Variants in PTK2 observed in about 807,000 individuals in gnomAD.
PTK2 encodes focal adhesion kinase 1.
Under a neutral mutation model 150.1 loss-of-function variants are expected in PTK2, and 45 were observed. The observed-to-expected ratio is 0.30, with a 90% CI of 0.24 to 0.38. PTK2 has a LOEUF of 0.38. Ranked by LOEUF, PTK2 falls within the 10% of genes least tolerant of loss-of-function variation. The probability of loss-of-function intolerance (pLI) is 1.00; values close to 1 mark genes in which losing one functional copy is unlikely to be tolerated. For missense variants in PTK2, 919 were observed against 1,307.3 expected, an observed-to-expected ratio of 0.70 and a Z score of 4.58; for synonymous variants, 432 against 449.2, an observed-to-expected ratio of 0.96 and a Z score of 0.48.
intron 1 of PTK2, among the ~76,000 whole-genome samples, chr8:140,988,044 CAAAA>C (rs71310813): frequency 7.9e-5 from 8 of 101,442 alleles, no homozygotes; most frequent in Admixed American, 2.1e-4. Flanking sequence ...GACCCTGTCT[CAAAA>C]AAAAAAAAAA....
intron 1 of PTK2, chr8:140,948,534 A>G (rs2100178453): frequency 6.6e-6 from 1 of 152,232 alleles, no homozygotes; most frequent in African/African-American, 2.4e-5. Flanking sequence ...ACACATATCA[A>G]CTATTTAACA....
intron 5 of PTK2, among the ~76,000 whole-genome samples, chr8:140,859,347 A>T (rs950679944): frequency 1.3e-5 from 2 of 152,192 alleles, no homozygotes; most frequent in Non-Finnish European, 2.9e-5. Context: ...TGTTCTTTTC[A>T]TCTGAGCAGT....
intron 29 of PTK2, 70 bp from the exon 34 acceptor site, chr8:140,668,494 G>C (rs2093712963): frequency 6.6e-7 from 1 of 1,506,052 alleles, no homozygotes; most frequent in Non-Finnish European, 9.0e-7. Flanking sequence ...AATCAAGCTA[G>C]AGAGGGTCTT....
At chr8:140,689,333 A>G (rs1227225049) in intron 26 of PTK2, among the ~76,000 whole-genome samples, 3 of 152,242 alleles carry the variant, frequency 2.0e-5, no homozygotes, top group Non-Finnish European at 2.9e-5. Flanking sequence ...TGAGAAGACG[A>G]GACTCCAGGT....
chr8:140,804,106 G>A (rs2100096873), intron 10 of PTK2, among the ~76,000 whole-genome samples: 2 of 152,142 alleles, frequency 1.3e-5, no homozygotes, highest in South Asian at 4.1e-4. Context: ...AAACTAACTG[G>A]AGATCTGTAG....
At chr8:140,704,349 T>C (rs1297717866) in intron 24 of PTK2, among the ~76,000 whole-genome samples, 1 of 152,186 alleles carries the variant, frequency 6.6e-6, no homozygotes, top group Non-Finnish European at 1.5e-5. Context: ...AAAATCAATG[T>C]TTTACTTAAT....
chr8:140,746,892 C>CTTTT (rs369382658), intron 17 of PTK2, 32 bp from the exon 21 acceptor site: 68 of 989,568 alleles, frequency 6.9e-5, no homozygotes, highest in South Asian at 1.7e-4. Context: ...GTTATTCTTT[C>CTTTT]TTTTTTTTTT....
chr8:140,830,498 GA>G lies in PTK2; in HGVS notation c.621del (p.Pro208LeufsTer13). ...TTGACAGAATCCAGTAAACTCTTAG[GA>G]AAAAATCGCTTTAAACCAACATCTT... On this transcript the variant is annotated frameshift_variant, in exon 8 of 32. Coordinates refer to ENST00000522684, the Ensembl canonical transcript of PTK2. LOFTEE classifies it high-confidence loss of function. 3 of 1,540,928 alleles carry G rather than the reference GA, an allele frequency of 1.9e-6. No homozygotes were observed. Among genetic ancestry groups the G allele is most frequent in the South Asian group, 2.5e-5 (2 of 81,230 alleles).
chr8:140,800,485 T>C (rs1343946771), exon 12 of PTK2: 4 of 1,613,454 alleles, frequency 2.5e-6, no homozygotes, highest in Admixed American at 1.7e-5. Flanking sequence ...GATAAATGAC[T>C]GCGAGGTTCC....
intron 1 of PTK2, among the ~76,000 whole-genome samples, chr8:140,979,297 A>G (rs764935942): frequency 5.3e-5 from 8 of 151,724 alleles, no homozygotes; most frequent in Non-Finnish European, 1.0e-4. Flanking sequence ...GCTCCAAGAC[A>G]CCTCACAGGT....
rs768419969 is a variant in PTK2 at position 140,751,862 on chromosome 8, A to G, written c.1417+370T>C. On this transcript the variant is annotated intron_variant, in intron 17 of 31. Transcript: ENST00000522684. The stretch of plus-strand genomic sequence containing the variant: ...TAGAGCCCTATTCCTTCACTAGTCT[A>G]TGAGCTCCATCAGGGCAGGGACTGT... The G allele has an allele frequency of 5.8e-6, 3 of 516,944 alleles. No homozygotes were observed. In the Admixed American group the frequency reaches 6.0e-5, roughly 10 times the overall value. The allele number at this position is 516,944 out of a possible 1,614,324, so 32.0% of individuals were successfully genotyped here. A position where few individuals can be genotyped will look rare whatever the true frequency, so the allele number is the denominator to read the frequency against.
At chr8:140,943,781 G>A (rs912775291) in intron 1 of PTK2, among the ~76,000 whole-genome samples, 2 of 152,036 alleles carry the variant, frequency 1.3e-5, no homozygotes, top group African/African-American at 4.8e-5. Flanking sequence ...TTCTAATAGG[G>A]TTGCAATGAT....
intron 2 of PTK2, among the ~76,000 whole-genome samples, chr8:140,913,504 C>T (rs1307304946): frequency 6.6e-6 from 1 of 152,094 alleles, no homozygotes; most frequent in Admixed American, 6.5e-5. Context: ...CCATGTTGGC[C>T]AGGCTGGTCT....
At chr8:140,858,970 T>C (rs544474714) in intron 5 of PTK2, among the ~76,000 whole-genome samples, 11 of 152,352 alleles carry the variant, frequency 7.2e-5, no homozygotes, top group Non-Finnish European at 2.9e-5. Context: ...CACTTTTCCA[T>C]TTATACCAAC....
At chr8:140,793,411 T>C in intron 12 of PTK2, 27 bp from the exon 13 acceptor site, 1 of 1,606,906 alleles carries the variant, frequency 6.2e-7, no homozygotes, top group Non-Finnish European at 8.5e-7. Context: ...AAGAGATGCA[T>C]AAGGCTCTTT....
At chr8:140,815,729 ATAT>A (rs1419281896) in intron 10 of PTK2, among the ~76,000 whole-genome samples, 1 of 152,158 alleles carries the variant, frequency 6.6e-6, no homozygotes, top group Non-Finnish European at 1.5e-5. Context: ...AGAATATTGT[ATAT>A]TATTAATTGG....
chr8:140,709,616 G>A (rs1017142570), intron 23 of PTK2, among the ~76,000 whole-genome samples: 4 of 152,294 alleles, frequency 2.6e-5, no homozygotes, highest in South Asian at 2.1e-4. Flanking sequence ...GCTACCTCCT[G>A]GAGCTGCCGT....
intron 1 of PTK2, among the ~76,000 whole-genome samples, chr8:140,994,020 G>A (rs748625934): frequency 9.9e-5 from 15 of 152,042 alleles, no homozygotes; most frequent in Non-Finnish European, 1.9e-4. Context: ...GTGAGTTACC[G>A]CACCCCACCC....
chr8:140,717,581 G>A lies in PTK2; in HGVS notation c.2142+17C>T, dbSNP rs73369945. 1,284 of 1,587,068 alleles carry A rather than the reference G, an allele frequency of 8.1e-4. 12 individuals are homozygous for A. In the African/African-American group the frequency reaches 0.016, roughly 19 times the overall value. Reference sequence around the variant, plus strand: ...TAGTAAGAGTAACCCCAAAGTTGGGGTGGGGACTGTAGCTACCTTGGGCGG... The same window carrying A: ...TAGTAAGAGTAACCCCAAAGTTGGGATGGGGACTGTAGCTACCTTGGGCGG... On this transcript the variant is annotated intron_variant, in intron 23 of 31. Transcript: ENST00000522684.
Sources: gnomAD v4.1 joint callset for allele counts (sites outside exome capture counted in the v4.1 genomes callset) on GRCh38, gnomAD v4.1.1 for gene constraint, MANE v1.5 for transcripts, NCBI Gene and HGNC (gene_info 2026-07-23, HGNC 2026-07-21) for gene names.